Variants in ZDHHC21 observed in about 807,000 individuals in gnomAD.
ZDHHC21 encodes the protein zDHHC palmitoyltransferase 21, also known as palmitoyltransferase ZDHHC21.
A neutral mutation model predicts 34.6 loss-of-function variants in ZDHHC21; 15 were observed. The ratio of observed to expected loss-of-function variants is 0.43; its 90% confidence interval spans 0.29 to 0.67. The LOEUF (loss-of-function observed/expected upper bound fraction) is 0.67. Among genes scored for constraint, ZDHHC21 ranks in the 30% least tolerant of loss-of-function variants. The pLI is 0.14. For missense variants in ZDHHC21, 344 were observed against 327.7 expected, an observed-to-expected ratio of 1.05 and a Z score of -0.38; for synonymous variants, 142 against 101.8, an observed-to-expected ratio of 1.40 and a Z score of -2.38.
intron 5 of ZDHHC21, among the ~76,000 whole-genome samples, chr9:14,664,189 T>G (rs1163095064): frequency 6.8e-6 from 1 of 147,458 alleles, no homozygotes; most frequent in Non-Finnish European, 1.5e-5. Flanking sequence ...AGGCATTGCC[T>G]CACTCGGGAA....
chr9:14,655,790 A>G (rs1339869529), intron 7 of ZDHHC21, among the ~76,000 whole-genome samples: 1 of 151,824 alleles, frequency 6.6e-6, no homozygotes, highest in South Asian at 2.1e-4. Context: ...GAAGTCAAAT[A>G]ATAAATAGGA....
In ZDHHC21 at chr9:14,612,997, T is replaced by C. The variant is rs1823580453; in HGVS notation, c.*5969A>G. 6.6e-6 allele frequency: 1 copy of C among 151,910 alleles called. No homozygotes were observed. Among genetic ancestry groups the C allele is most frequent in the Non-Finnish European group, 1.5e-5 (1 of 67,868 alleles). The allele number at this position is 151,910 out of a possible 1,614,324, so 9.4% of individuals were successfully genotyped here. On this transcript the variant is annotated 3_prime_UTR_variant, in exon 10 of 10. Transcript: ENST00000380916. ...GTTCATTTATATAAATTAGAGTTCT[T>C]ACCTTTTTATTCATTGTTGCAGAAA...
chr9:14,600,092 G>C, the ZDHHC21 span, among the ~76,000 whole-genome samples: 1 of 152,234 alleles, frequency 6.6e-6, no homozygotes, highest in East Asian at 1.9e-4. Context: ...TTGAAAACTG[G>C]CACAAGACAA....
chr9:14,668,465 T>A (rs1263580380), intron 5 of ZDHHC21, among the ~76,000 whole-genome samples: 2 of 66,406 alleles, frequency 3.0e-5, no homozygotes, highest in Non-Finnish European at 5.8e-5. Context: ...CCCATCAAGC[T>A]ACCAATGACT....
At chr9:14,686,301 T>A (rs2131666875) in intron 2 of ZDHHC21, among the ~76,000 whole-genome samples, 1 of 152,176 alleles carries the variant, frequency 6.6e-6, no homozygotes, top group East Asian at 1.9e-4. Flanking sequence ...TGACAGGACT[T>A]AGTGATCAAT....
At chr9:14,684,692 GA>G (rs1223429978) in intron 2 of ZDHHC21, among the ~76,000 whole-genome samples, 1 of 151,552 alleles carries the variant, frequency 6.6e-6, no homozygotes, top group Non-Finnish European at 1.5e-5. Context: ...CACAGAATTG[GA>G]AAAAACTACT....
At chr9:14,637,670 A>C (rs1270611442) in intron 8 of ZDHHC21, among the ~76,000 whole-genome samples, 1 of 152,004 alleles carries the variant, frequency 6.6e-6, no homozygotes, top group African/African-American at 2.4e-5. Context: ...CTGATAATTA[A>C]ATTCGGTAAA....
At chr9:14,628,491 T>G (rs1826708676) in intron 8 of ZDHHC21, among the ~76,000 whole-genome samples, 1 of 152,180 alleles carries the variant, frequency 6.6e-6, no homozygotes, top group Non-Finnish European at 1.5e-5. Context: ...AGGTCTATAT[T>G]CAAGCTATGC....
At chr9:14,655,053 G>A (rs934829683) in intron 7 of ZDHHC21, among the ~76,000 whole-genome samples, 4 of 151,806 alleles carry the variant, frequency 2.6e-5, no homozygotes, top group Non-Finnish European at 4.4e-5. Context: ...CAATACCAAA[G>A]CACATCATAG....
intron 6 of ZDHHC21, among the ~76,000 whole-genome samples, chr9:14,661,743 T>C (rs1197290768): frequency 6.6e-6 from 1 of 152,206 alleles, no homozygotes; most frequent in Non-Finnish European, 1.5e-5. Context: ...GTAGTAGCTA[T>C]ATCCAATACA....
the ZDHHC21 span, among the ~76,000 whole-genome samples, chr9:14,605,218 T>A: frequency 4.1e-5 from 6 of 148,022 alleles, no homozygotes; most frequent in African/African-American, 7.4e-5. Flanking sequence ...TTTTTTTTTT[T>A]AATATCCAGA....
the ZDHHC21 span, among the ~76,000 whole-genome samples, chr9:14,591,189 A>T: frequency 6.6e-6 from 1 of 152,176 alleles, no homozygotes; most frequent in Non-Finnish European, 1.5e-5. Context: ...GGAACAAAGA[A>T]CAGATAGAAC....
intron 8 of ZDHHC21, among the ~76,000 whole-genome samples, chr9:14,632,838 G>A (rs927835915): frequency 6.6e-5 from 10 of 151,960 alleles, no homozygotes; most frequent in East Asian, 5.8e-4. Flanking sequence ...AAAGATACTC[G>A]ACCTCATTAG....
At chr9:14,626,275 T>C (rs1348510368) in intron 8 of ZDHHC21, among the ~76,000 whole-genome samples, 3 of 151,972 alleles carry the variant, frequency 2.0e-5, no homozygotes, top group African/African-American at 7.2e-5. Context: ...AAATATAAGA[T>C]TTACTGCTTT....
At chr9:14,672,320 T>C (rs952736801) in intron 5 of ZDHHC21, among the ~76,000 whole-genome samples, 2 of 152,046 alleles carry the variant, frequency 1.3e-5, no homozygotes, top group Admixed American at 6.6e-5. Context: ...TAAAATTTTG[T>C]ATTTTTTTTT....
downstream of ZDHHC21, among the ~76,000 whole-genome samples, chr9:14,608,043 C>T (rs1823072570): frequency 6.6e-6 from 1 of 152,120 alleles, no homozygotes; most frequent in Non-Finnish European, 1.5e-5. Context: ...CGCTAAAAGC[C>T]AGACATCAAG....
intron 5 of ZDHHC21, among the ~76,000 whole-genome samples, chr9:14,664,436 G>A (rs1587291078): frequency 1.3e-5 from 2 of 151,136 alleles, no homozygotes; most frequent in Middle Eastern, 7.0e-3. Flanking sequence ...TGGGGGAGGG[G>A]CGCCCGCCAT....
chr9:14,614,620 C>T lies in ZDHHC21; in HGVS notation c.*4346G>A, dbSNP rs929808004. The T allele has an allele frequency of 6.6e-6, 1 of 151,646 alleles. No homozygotes were observed. The highest frequency in any genetic ancestry group is 1.5e-5 in the Non-Finnish European group (1 of 67,706). The allele number at this position is 151,646 out of a possible 1,614,324, so 9.4% of individuals were successfully genotyped here. On this transcript the variant is annotated 3_prime_UTR_variant, in exon 10 of 10. Coordinates refer to ENST00000380916, the MANE Select transcript of ZDHHC21 (RefSeq NM_178566.6). ...GACTAAATATAGAGCACAATGAAAT[C>T]TGTGATTTATAATAAATTCAGAGGA...
chr9:14,598,643 G>A, the ZDHHC21 span, among the ~76,000 whole-genome samples: 5 of 152,150 alleles, frequency 3.3e-5, no homozygotes, highest in Non-Finnish European at 5.9e-5. Context: ...AAAAAATGCA[G>A]AATGATATTT....
Sources: allele counts gnomAD v4.1 joint callset (sites outside exome capture counted in the v4.1 genomes callset), GRCh38; gene constraint gnomAD v4.1.1; transcripts MANE v1.5; gene names NCBI Gene and HGNC (gene_info 2026-07-23, HGNC 2026-07-21).